The following TTLL11 variants were observed in gnomAD, a reference collection of about 807,000 sequenced individuals.
TTLL11 encodes tubulin polyglutamylase TTLL11.
A neutral mutation model predicts 51.7 loss-of-function variants in TTLL11; 42 were observed. The observed-to-expected ratio is 0.81, with a 90% CI of 0.64 to 1.05. The LOEUF is 1.05. TTLL11 is among the 50% of genes least tolerant of loss of function. TTLL11 has a pLI of 0.00. For missense variants in TTLL11, 799 were observed against 940.4 expected, an observed-to-expected ratio of 0.85 and a Z score of 1.97; for synonymous variants, 381 against 383.5, an observed-to-expected ratio of 0.99 and a Z score of 0.08.
intron 6 of TTLL11, among the ~76,000 whole-genome samples, chr9:121,959,007 C>T (rs926637476): frequency 6.6e-6 from 1 of 152,102 alleles, no homozygotes. Flanking sequence ...CTTCTTAAGG[C>T]CCCCAAGGCA....
At chr9:121,916,528 A>G (rs985346817) in intron 6 of TTLL11, among the ~76,000 whole-genome samples, 8 of 152,192 alleles carry the variant, frequency 5.3e-5, no homozygotes, top group Admixed American at 3.9e-4. Context: ...TAAAGAAAAA[A>G]AAGCCTTGAT....
intron 1 of TTLL11, among the ~76,000 whole-genome samples, chr9:122,079,576 G>A (rs147370706): frequency 1.3e-5 from 2 of 152,128 alleles, no homozygotes; most frequent in African/African-American, 4.8e-5. Context: ...GGGCGTGGTG[G>A]CGGGCGCCTA....
At chr9:122,011,408 A>G (rs1251346229) in intron 3 of TTLL11, among the ~76,000 whole-genome samples, 1 of 152,246 alleles carries the variant, frequency 6.6e-6, no homozygotes, top group East Asian at 1.9e-4. Flanking sequence ...TAAGAAAAAA[A>G]GTATATAATG....
At chr9:122,031,454 C>T (rs148903366) in intron 3 of TTLL11, among the ~76,000 whole-genome samples, 4 of 152,156 alleles carry the variant, frequency 2.6e-5, no homozygotes, top group Admixed American at 1.3e-4. Context: ...GGCTCCCCAG[C>T]GTCCTGACTC....
intron 3 of TTLL11, among the ~76,000 whole-genome samples, chr9:122,004,381 C>A (rs376051803): frequency 2.3e-4 from 35 of 151,462 alleles, no homozygotes; most frequent in African/African-American, 6.5e-4. Flanking sequence ...CTGGGTTTCA[C>A]TCTTATTGCC....
intron 6 of TTLL11, among the ~76,000 whole-genome samples, chr9:121,939,473 T>G (rs941920149): frequency 6.6e-6 from 1 of 152,180 alleles, no homozygotes; most frequent in African/African-American, 2.4e-5. Flanking sequence ...ATAGTCACTT[T>G]GTTGCCAAAC....
rs571134917 is a variant in TTLL11, at chr9:122,046,160, C to T, written c.463-6792G>A. On this transcript the variant is annotated intron_variant, in intron 1 of 8. Coordinates refer to ENST00000321582, the MANE Select transcript of TTLL11 (RefSeq NM_001139442.2). ...AAGTTTCATGTCGACTTGCAATCCC[C>T]AGTGTTGGAGAAGAGGCCTGGTGAG... Among the ~76,000 whole-genome samples, 89 of 152,302 alleles carry T rather than the reference C, an allele frequency of 5.8e-4. 1 individual carries two copies. The highest frequency in any genetic ancestry group is 4.6e-4 in the Admixed American group (7 of 15,304).
intron 6 of TTLL11, among the ~76,000 whole-genome samples, chr9:121,881,715 C>T (rs780195248): frequency 4.6e-5 from 7 of 152,254 alleles, no homozygotes; most frequent in East Asian, 1.9e-4. Flanking sequence ...TGAGGCCTTA[C>T]GAGGCAGATC....
At chr9:121,961,105 G>A (rs773974054) in intron 6 of TTLL11, among the ~76,000 whole-genome samples, 11 of 152,162 alleles carry the variant, frequency 7.2e-5, no homozygotes, top group Non-Finnish European at 1.3e-4. Context: ...CTTTCATTTT[G>A]ATCTTCCATT....
chr9:121,911,042 T>C (rs2131499777), intron 6 of TTLL11, among the ~76,000 whole-genome samples: 1 of 152,306 alleles, frequency 6.6e-6, no homozygotes, highest in East Asian at 1.9e-4. Flanking sequence ...GGTCACATAC[T>C]ATATTTGAAT....
chr9:121,938,321 AAGC>A (rs1191737493), intron 6 of TTLL11, among the ~76,000 whole-genome samples: 1 of 151,788 alleles, frequency 6.6e-6, no homozygotes, highest in Non-Finnish European at 1.5e-5. Context: ...GGAATATGAC[AAGC>A]ATGTCCACAC....
chr9:121,936,294 C>CA (rs1841217980), intron 6 of TTLL11, among the ~76,000 whole-genome samples: 1 of 151,132 alleles, frequency 6.6e-6, no homozygotes, highest in Non-Finnish European at 1.5e-5. Context: ...GACAGGGTCT[C>CA]ACTCTGTTTC....
At chr9:122,079,538 C>A (rs772202077) in intron 1 of TTLL11, among the ~76,000 whole-genome samples, 1 of 151,448 alleles carries the variant, frequency 6.6e-6, no homozygotes, top group Non-Finnish European at 1.5e-5. Context: ...GGTGAAACCC[C>A]GTCTACTAAA....
intron 6 of TTLL11, among the ~76,000 whole-genome samples, chr9:121,968,927 T>C (rs1019157611): frequency 2.0e-5 from 3 of 152,004 alleles, no homozygotes; most frequent in Non-Finnish European, 4.4e-5. Flanking sequence ...TGGAGGGTAG[T>C]GGCACGATCT....
intron 7 of TTLL11, among the ~76,000 whole-genome samples, chr9:121,869,863 G>GC (rs773926331): frequency 2.7e-4 from 41 of 152,118 alleles, no homozygotes; most frequent in Non-Finnish European, 1.6e-4. Context: ...GCCCCAAAGT[G>GC]CCCCCACAGG....
At chr9:121,850,078 T>TAA (rs371186883) in intron 8 of TTLL11, among the ~76,000 whole-genome samples, 2,169 of 151,354 alleles carry the variant, frequency 0.014, 29 homozygotes, top group African/African-American at 0.034. Context: ...TTATTTTTCT[T>TAA]AAAAAAAACC....
At chr9:121,830,660 G>A (rs544784917) in intron 8 of TTLL11, among the ~76,000 whole-genome samples, 7 of 152,148 alleles carry the variant, frequency 4.6e-5, no homozygotes, top group African/African-American at 9.7e-5. Flanking sequence ...CTGAGAAACC[G>A]CACAGCCCCA....
intron 6 of TTLL11, among the ~76,000 whole-genome samples, chr9:121,917,142 C>T (rs1413169938): frequency 2.6e-5 from 4 of 151,996 alleles, no homozygotes; most frequent in African/African-American, 4.8e-5. Context: ...CTGGCTAATG[C>T]GATGTGATGT....
At chr9:121,894,816 G>T (rs1165227504) in intron 6 of TTLL11, among the ~76,000 whole-genome samples, 1 of 152,174 alleles carries the variant, frequency 6.6e-6, no homozygotes, top group African/African-American at 2.4e-5. Flanking sequence ...GTTGATGGGT[G>T]CAGCAAACCA....
Sources: gnomAD v4.1 joint callset for allele counts (sites outside exome capture counted in the v4.1 genomes callset) on GRCh38, gnomAD v4.1.1 for gene constraint, MANE v1.5 for transcripts, NCBI Gene and HGNC (gene_info 2026-07-23, HGNC 2026-07-21) for gene names.